The following MTOR variants were observed in gnomAD, a reference collection of about 807,000 sequenced individuals.
The protein encoded by MTOR is serine/threonine-protein kinase mTOR.
Under a neutral mutation model 319.8 loss-of-function variants are expected in MTOR, and 70 were observed. The observed-to-expected ratio is 0.22, with a 90% CI of 0.18 to 0.27. The LOEUF (loss-of-function observed/expected upper bound fraction) is 0.27, where lower values mean the gene tolerates loss of function less well. Ranked by LOEUF, MTOR falls within the 10% of genes least tolerant of loss-of-function variation. The pLI is 1.00. For synonymous variants in MTOR, 1,183 were observed against 1,211.4 expected, an observed-to-expected ratio of 0.98 and a Z score of 0.49; for missense variants, 1,890 against 3,274.4, an observed-to-expected ratio of 0.58 and a Z score of 10.32.
At chr1:11,137,105 G>A (rs1052024876) in intron 36 of MTOR, among the ~76,000 whole-genome samples, 20 of 143,732 alleles carry the variant, frequency 1.4e-4, no homozygotes, top group Admixed American at 1.2e-3. Context: ...GCCTCCCAAA[G>A]TGCTGGGATC....
At chr1:11,241,199 T>C (rs1647965929) in intron 10 of MTOR, among the ~76,000 whole-genome samples, 2 of 151,176 alleles carry the variant, frequency 1.3e-5, no homozygotes, top group Non-Finnish European at 2.9e-5. Flanking sequence ...CAGGCGCCTG[T>C]AGTCCCAGCT....
intron 28 of MTOR, chr1:11,189,439 A>G (rs1019446841): frequency 2.9e-6 from 3 of 1,037,446 alleles, no homozygotes; most frequent in Admixed American, 2.3e-5. Flanking sequence ...AAGAGCAAGG[A>G]AAGAGAGAAA....
At chr1:11,163,672 C>T (rs1431568674) in intron 29 of MTOR, among the ~76,000 whole-genome samples, 1 of 152,160 alleles carries the variant, frequency 6.6e-6, no homozygotes, top group African/African-American at 2.4e-5. Flanking sequence ...ACAACCTGCT[C>T]CTGAATGACT....
intron 28 of MTOR, chr1:11,196,072 G>A (rs1253692650): frequency 6.6e-6 from 1 of 152,184 alleles, no homozygotes; most frequent in Non-Finnish European, 1.5e-5. Flanking sequence ...AGAGGCCCGG[G>A]GTTTGTTTTG....
chr1:11,240,041 G>C (rs1423767825), intron 11 of MTOR, among the ~76,000 whole-genome samples: 2 of 152,166 alleles, frequency 1.3e-5, no homozygotes, highest in African/African-American at 4.8e-5. Context: ...ATGTGAGGGG[G>C]ATCTGTCTCT....
At position 11,238,616 on chromosome 1, in the gene MTOR, G is replaced by A; in HGVS notation, c.1788C>T (p.Gly596=). 2.5e-6 allele frequency: 4 copies of A among 1,606,540 alleles called. No homozygotes were observed. Among genetic ancestry groups the A allele is most frequent in the Non-Finnish European group, 3.4e-6 (4 of 1,174,010 alleles). The change falls in exon 12 of 58, where the codon GGC becomes GGT. Residue 596 remains glycine (G), a splice_region_variant and synonymous_variant. Coordinates refer to ENST00000361445, the MANE Select transcript of MTOR (RefSeq NM_004958.4). ...GGCGAACAAATTGGGTCAGAGAGTG[G>A]CCTGGATAGAAAGGCAGAGAGAAAA... ...LRTLGSFEFE[G]HSLTQFVRHC... is the part of the protein sequence containing the mutation.
chr1:11,243,842 T>C (rs1648427800), intron 8 of MTOR, among the ~76,000 whole-genome samples: 1 of 152,034 alleles, frequency 6.6e-6, no homozygotes, highest in South Asian at 2.1e-4. Context: ...ATCTAAACAA[T>C]TTTACATTAT....
At chr1:11,185,369 A>G (rs1645282245) in intron 28 of MTOR, among the ~76,000 whole-genome samples, 1 of 149,922 alleles carries the variant, frequency 6.7e-6, no homozygotes, top group Non-Finnish European at 1.5e-5. Flanking sequence ...TGAGCCCAGG[A>G]GTTCGAGACC....
chr1:11,239,308 CCAGA>C (rs1647657652), intron 11 of MTOR, among the ~76,000 whole-genome samples: 1 of 152,088 alleles, frequency 6.6e-6, no homozygotes, highest in South Asian at 2.1e-4. Flanking sequence ...GATTTAAATA[CCAGA>C]CAAAGAGTCT....
intron 28 of MTOR, chr1:11,195,994 T>C (rs2100732032): frequency 6.6e-6 from 1 of 152,354 alleles, no homozygotes. Flanking sequence ...ATCTTCTTTT[T>C]AAATTCTTAC....
intron 24 of MTOR, among the ~76,000 whole-genome samples, chr1:11,210,470 G>A (rs1010037270): frequency 6.6e-6 from 1 of 152,136 alleles, no homozygotes; most frequent in East Asian, 1.9e-4. Flanking sequence ...GAGCTAAGAA[G>A]GGTTTTTATA....
intron 57 of MTOR, 84 bp downstream of exon 57, chr1:11,108,097 C>T: frequency 9.2e-7 from 1 of 1,089,252 alleles, no homozygotes; most frequent in South Asian, 1.3e-5. Flanking sequence ...CTCACCAAAT[C>T]TCTTTTTGCT....
Position 11,243,122 on chromosome 1 carries a change from G to A in MTOR, c.1404C>T (p.Phe468=), listed in dbSNP as rs751367167. The stretch of plus-strand genomic sequence containing the variant: ...ATAACAGAGGTGCTTACTTATGGGC[G>A]AAGTCCTTTGGGGGCAGGGCCGCTC... ...IIRAALPPKD[F]AHKRQKAMQV... is the part of the protein sequence containing the mutation. The change falls in exon 9 of 58, where the codon TTC becomes TTT. Residue 468 remains phenylalanine (F), a synonymous_variant. Transcript: ENST00000361445. 5.0e-6 allele frequency: 8 copies of A among 1,613,984 alleles called. No homozygotes were observed. The highest frequency in any genetic ancestry group is 2.2e-5 in the East Asian group (1 of 44,878).
At chr1:11,194,726 G>C in intron 28 of MTOR, 2 of 1,608,952 alleles carry the variant, frequency 1.2e-6, no homozygotes, top group Middle Eastern at 1.7e-4. Flanking sequence ...TGAGGAGAAA[G>C]AGTGAATTAT....
chr1:11,136,561 G>A lies in MTOR; in HGVS notation c.5131-2095C>T, dbSNP rs558823489. 1.1e-4 allele frequency among the ~76,000 whole-genome samples: 17 copies of A among 152,296 alleles called. No individual in the cohort carries two copies. In the East Asian group the frequency reaches 3.3e-3, roughly 29 times the overall value. On this transcript the variant is annotated intron_variant, in intron 36 of 57. Coordinates refer to ENST00000361445, the MANE Select transcript of MTOR (RefSeq NM_004958.4). ...GTTACCCAGGCTGGAGTGCAGTGGT[G>A]CAATGATAGCTCCCTGCAGACTTGA...
At chr1:11,145,306 G>T in intron 32 of MTOR, 1 of 484,972 alleles carries the variant, frequency 2.1e-6, no homozygotes, top group Admixed American at 3.8e-5. Flanking sequence ...TAGGTGGCAA[G>T]GGCATGGGAA....
intron 30 of MTOR, among the ~76,000 whole-genome samples, chr1:11,155,958 T>TG (rs1644306199): frequency 6.6e-6 from 1 of 152,216 alleles, no homozygotes; most frequent in Admixed American, 6.5e-5. Flanking sequence ...GGAGGTAGCA[T>TG]GGAACTTTGT....
rs537876647 is a variant in MTOR, at chr1:11,247,872, T to A, written c.1063A>T (p.Thr355Ser). The A allele has an allele frequency of 6.2e-7, 1 of 1,614,126 alleles. No homozygotes were observed. The highest frequency in any genetic ancestry group is 1.7e-5 in the Admixed American group (1 of 60,016). The change falls in exon 7 of 58, where the codon ACC (threonine) becomes TCC (serine). Residue 355 changes from threonine (T) to serine (S), a missense_variant. Thr to Ser is a moderately conservative substitution (Grantham distance 58, BLOSUM62 1). Coordinates refer to ENST00000361445, the MANE Select transcript of MTOR (RefSeq NM_004958.4). ...FGTSPSPAKS[T>S]LVESRCCRDL... ...CTGCAACACCGGCTCTCCACCAGGG[T>A]GGACTTAGCTGGACTGGGGGAGGTC...
At chr1:11,246,739 A>G (rs921378448) in intron 8 of MTOR, among the ~76,000 whole-genome samples, 2 of 152,218 alleles carry the variant, frequency 1.3e-5, no homozygotes, top group African/African-American at 4.8e-5. Flanking sequence ...GCACCACGGT[A>G]AAGTGGGAAG....
Sources: allele counts gnomAD v4.1 joint callset (sites outside exome capture counted in the v4.1 genomes callset), GRCh38; gene constraint gnomAD v4.1.1; transcripts MANE v1.5; gene names NCBI Gene and HGNC (gene_info 2026-07-23, HGNC 2026-07-21).